The following ELMO1 variants were observed in gnomAD, a reference collection of about 807,000 sequenced individuals.
The protein encoded by ELMO1 is engulfment and cell motility 1.
ELMO1 carries 26 observed loss-of-function variants against 98.9 expected under a neutral mutation model. The ratio of observed to expected loss-of-function variants is 0.26; its 90% CI spans 0.19 to 0.36. ELMO1 has a LOEUF of 0.36. Ranked by LOEUF, ELMO1 falls within the 10% of genes least tolerant of loss-of-function variation. ELMO1 has a pLI of 1.00. For missense variants in ELMO1, 627 were observed against 935.2 expected, an observed-to-expected ratio of 0.67 and a Z score of 4.30; for synonymous variants, 346 against 346.0, an observed-to-expected ratio of 1.00 and a Z score of 0.00.
chr7:36,980,926 A>G (rs958939393), intron 16 of ELMO1, among the ~76,000 whole-genome samples: 2 of 152,128 alleles, frequency 1.3e-5, no homozygotes, highest in Non-Finnish European at 2.9e-5. Context: ...AAGTAATATT[A>G]TCAAAAGAAA....
intron 15 of ELMO1, among the ~76,000 whole-genome samples, chr7:37,088,107 G>T (rs79460838): frequency 0.031 from 4,664 of 152,234 alleles, 138 homozygotes; most frequent in African/African-American, 0.08. Flanking sequence ...TGACCTCTAA[G>T]AGACAACAGG....
At chr7:36,998,572 T>A (rs997593394) in intron 16 of ELMO1, among the ~76,000 whole-genome samples, 7 of 152,154 alleles carry the variant, frequency 4.6e-5, no homozygotes, top group African/African-American at 1.7e-4. Flanking sequence ...TCTATATCTA[T>A]CTTGCATGTA....
chr7:37,163,288 A>G (rs965239600), intron 13 of ELMO1, among the ~76,000 whole-genome samples: 1 of 151,718 alleles, frequency 6.6e-6, no homozygotes, highest in Non-Finnish European at 1.5e-5. Context: ...CTCTCCTGTA[A>G]TTCTTTTTAT....
chr7:37,315,504 A>T (rs113987097), intron 3 of ELMO1, among the ~76,000 whole-genome samples: 1 of 152,228 alleles, frequency 6.6e-6, no homozygotes. Context: ...AAGTCATATC[A>T]GTGTGAGATC....
chr7:37,085,222 T>G (rs904494276), intron 15 of ELMO1, among the ~76,000 whole-genome samples: 2 of 152,214 alleles, frequency 1.3e-5, no homozygotes, highest in African/African-American at 4.8e-5. Flanking sequence ...GTCCTCAAGC[T>G]GCTCCCCTAA....
At chr7:36,893,324 A>C (rs1805717760) in intron 17 of ELMO1, among the ~76,000 whole-genome samples, 1 of 152,164 alleles carries the variant, frequency 6.6e-6, no homozygotes, top group African/African-American at 2.4e-5. Flanking sequence ...TCACTTATCC[A>C]AAGTGCATCC....
intron 13 of ELMO1, among the ~76,000 whole-genome samples, chr7:37,138,133 G>A (rs1004901320): frequency 6.6e-6 from 1 of 152,104 alleles, no homozygotes; most frequent in Non-Finnish European, 1.5e-5. Context: ...AAGTCTGAAA[G>A]AGCACAAACA....
intron 16 of ELMO1, among the ~76,000 whole-genome samples, chr7:36,955,300 A>G (rs1319463851): frequency 6.6e-6 from 1 of 151,896 alleles, no homozygotes; most frequent in African/African-American, 2.4e-5. Context: ...TTCTTTTTCT[A>G]CCCTATCTCA....
chr7:36,933,063 C>T (rs1417658126), intron 16 of ELMO1, among the ~76,000 whole-genome samples: 3 of 152,170 alleles, frequency 2.0e-5, no homozygotes, highest in Non-Finnish European at 4.4e-5. Context: ...CCCGCACTGC[C>T]ATGATAGAGG....
chr7:36,882,910 T>A (rs1265620842), intron 18 of ELMO1, among the ~76,000 whole-genome samples: 1 of 152,252 alleles, frequency 6.6e-6, no homozygotes, highest in Non-Finnish European at 1.5e-5. Flanking sequence ...TGCCTTTTTT[T>A]CATGAAAATG....
At chr7:37,169,051 C>A (rs1391355785) in intron 13 of ELMO1, among the ~76,000 whole-genome samples, 1 of 152,158 alleles carries the variant, frequency 6.6e-6, no homozygotes, top group Non-Finnish European at 1.5e-5. Context: ...ATGGCGGGCA[C>A]CCCTCCCCCA....
At chr7:37,274,017 G>A (rs1030537353) in intron 4 of ELMO1, among the ~76,000 whole-genome samples, 3 of 152,152 alleles carry the variant, frequency 2.0e-5, no homozygotes, top group African/African-American at 7.2e-5. Context: ...AACACCACCA[G>A]ATCCAGGCCC....
chr7:37,116,806 GA>G, intron 14 of ELMO1: 1 of 155,462 alleles, frequency 6.4e-6, no homozygotes. Flanking sequence ...CAAAACCATG[GA>G]AAGGCAGCCT....
chr7:37,205,817 T>G (rs1792582625), intron 13 of ELMO1, among the ~76,000 whole-genome samples: 1 of 152,208 alleles, frequency 6.6e-6, no homozygotes, highest in Non-Finnish European at 1.5e-5. Context: ...TACAAATAAA[T>G]TTTAGCAAAA....
intron 13 of ELMO1, among the ~76,000 whole-genome samples, chr7:37,158,514 A>G (rs1051825723): frequency 2.6e-5 from 4 of 152,254 alleles, no homozygotes; most frequent in African/African-American, 9.6e-5. Flanking sequence ...GACACTTCTC[A>G]AAAGAAGACA....
chr7:36,883,049 T>A (rs1331141991), intron 18 of ELMO1, among the ~76,000 whole-genome samples: 1 of 152,190 alleles, frequency 6.6e-6, no homozygotes, highest in Non-Finnish European at 1.5e-5. Context: ...GGCAATATGG[T>A]TACCATGCCT....
At chr7:37,301,929 C>A (rs1798372294) in intron 4 of ELMO1, among the ~76,000 whole-genome samples, 1 of 152,182 alleles carries the variant, frequency 6.6e-6, no homozygotes, top group Admixed American at 6.5e-5. Context: ...ATTTTTCTTA[C>A]TTTATCTCTT....
intron 16 of ELMO1, among the ~76,000 whole-genome samples, chr7:37,007,068 C>T (rs1793187107): frequency 6.6e-6 from 1 of 152,166 alleles, no homozygotes. Flanking sequence ...ACCTATTCAA[C>T]AGGGAATATC....
At chr7:37,267,032 T>TAA (rs1562567198) in intron 5 of ELMO1, among the ~76,000 whole-genome samples, 272 of 17,184 alleles carry the variant, frequency 0.016, 4 homozygotes, top group South Asian at 0.024. Context: ...AAAAAATATG[T>TAA]ATATATACAC....
Sources: allele counts gnomAD v4.1 joint callset (sites outside exome capture counted in the v4.1 genomes callset), GRCh38; gene constraint gnomAD v4.1.1; transcripts MANE v1.5; gene names NCBI Gene and HGNC (gene_info 2026-07-23, HGNC 2026-07-21).